The following RELN variants were observed in gnomAD, a reference collection of about 807,000 sequenced individuals.
RELN encodes the protein reelin.
A neutral mutation model predicts 427.6 loss-of-function variants in RELN; 108 were observed. The observed-to-expected ratio is 0.25, with a 90% CI of 0.22 to 0.30. The LOEUF is 0.30. Ranked by LOEUF, RELN falls within the 10% of genes least tolerant of loss-of-function variation. The probability of loss-of-function intolerance (pLI) is 1.00; values close to 1 mark genes in which losing one functional copy is unlikely to be tolerated. For missense variants in RELN, 3,715 were observed against 4,302.8 expected (o/e 0.86, Z 3.82); for synonymous variants, 1,524 against 1,513.4 (o/e 1.01, Z -0.16).
At chr7:103,580,591 C>T (rs1371744416) in intron 28 of RELN, among the ~76,000 whole-genome samples, 1 of 151,936 alleles carries the variant, frequency 6.6e-6, no homozygotes, top group African/African-American at 2.4e-5. Context: ...TTTTTTATTT[C>T]AATAGTTTTT....
At chr7:103,967,888 A>T (rs1796690681) in intron 1 of RELN, among the ~76,000 whole-genome samples, 2 of 152,178 alleles carry the variant, frequency 1.3e-5, no homozygotes, top group South Asian at 4.1e-4. Flanking sequence ...TTCTCTTGTA[A>T]CTACACTCTA....
At chr7:103,587,401 A>G (rs923657364) in intron 28 of RELN, among the ~76,000 whole-genome samples, 4 of 152,170 alleles carry the variant, frequency 2.6e-5, no homozygotes, top group Non-Finnish European at 5.9e-5. Flanking sequence ...GGACTTAAAC[A>G]TGAGGCCCCA....
chr7:103,776,471 A>C (rs778503472), intron 4 of RELN, 86 bp downstream of exon 4: 88 of 1,325,928 alleles, frequency 6.6e-5, no homozygotes, highest in Middle Eastern at 1.8e-4. Context: ...AAGTAATCAT[A>C]ATGAAATGCT....
chr7:103,662,631 A>G (rs1371281136), intron 11 of RELN, among the ~76,000 whole-genome samples: 1 of 151,442 alleles, frequency 6.6e-6, no homozygotes, highest in African/African-American at 2.4e-5. Context: ...GTCACAAAAA[A>G]AAAAAAAAAA....
At chr7:103,670,717 T>C (rs1833372927) in intron 11 of RELN, among the ~76,000 whole-genome samples, 2 of 152,062 alleles carry the variant, frequency 1.3e-5, no homozygotes, top group Non-Finnish European at 2.9e-5. Flanking sequence ...TGAATTATAA[T>C]TCAGAGTGAA....
chr7:103,921,194 C>G (rs1480732849), intron 1 of RELN, among the ~76,000 whole-genome samples: 1 of 152,106 alleles, frequency 6.6e-6, no homozygotes, highest in Non-Finnish European at 1.5e-5. Flanking sequence ...GACATCCTGT[C>G]AATTCTAGCT....
At chr7:103,937,774 A>T (rs1054293338) in intron 1 of RELN, among the ~76,000 whole-genome samples, 9 of 152,346 alleles carry the variant, frequency 5.9e-5, no homozygotes, top group African/African-American at 2.2e-4. Context: ...CAAATATGTT[A>T]AAATGGTCTC....
intron 4 of RELN, among the ~76,000 whole-genome samples, chr7:103,772,620 G>T (rs1401759898): frequency 6.6e-6 from 1 of 152,200 alleles, no homozygotes; most frequent in Non-Finnish European, 1.5e-5. Flanking sequence ...GAGGGAGGGA[G>T]TGATACCCTA....
chr7:103,478,592 C>G, intron 63 of RELN, 198 bp from the exon 64 acceptor site: 1 of 580,340 alleles, frequency 1.7e-6, no homozygotes, highest in East Asian at 3.0e-5. Context: ...ATATACTTTT[C>G]TATGTAATGT....
chr7:103,788,099 C>T (rs1351721042), intron 3 of RELN, among the ~76,000 whole-genome samples: 1 of 152,188 alleles, frequency 6.6e-6, no homozygotes, highest in Non-Finnish European at 1.5e-5. Context: ...ACATGATTAT[C>T]ACAATAGATG....
intron 64 of RELN, chr7:103,473,156 T>C: frequency 1.6e-6 from 1 of 610,788 alleles, no homozygotes; most frequent in East Asian, 3.1e-5. Flanking sequence ...AACCAGAAAA[T>C]ATGTGAAATT....
intron 2 of RELN, among the ~76,000 whole-genome samples, chr7:103,837,655 CCTCACTGCCCCTCCCTCT>C (rs1457511097): frequency 6.6e-6 from 1 of 152,112 alleles, no homozygotes; most frequent in Non-Finnish European, 1.5e-5. Flanking sequence ...CAAAGACTTC[CCTCACTGCCCCTCCCTCT>C]CTCACTGCCC....
chr7:103,719,208 T>C (rs574373261), intron 8 of RELN, among the ~76,000 whole-genome samples: 1 of 152,282 alleles, frequency 6.6e-6, no homozygotes, highest in South Asian at 2.1e-4. Flanking sequence ...TTATCTGACA[T>C]TGCTCATAGC....
chr7:103,682,361 T>C, intron 10 of RELN, 100 bp from the exon 11 acceptor site: 1 of 1,229,510 alleles, frequency 8.1e-7, no homozygotes, highest in Non-Finnish European at 1.2e-6. Flanking sequence ...AGTTATTATA[T>C]TAGCTCCTCT....
intron 4 of RELN, among the ~76,000 whole-genome samples, chr7:103,763,127 C>A (rs971733583): frequency 2.6e-5 from 4 of 152,214 alleles, no homozygotes; most frequent in African/African-American, 7.2e-5. Flanking sequence ...AAGCAAACAT[C>A]ATCTCAAATA....
intron 2 of RELN, among the ~76,000 whole-genome samples, chr7:103,835,047 C>T (rs1793365687): frequency 6.6e-6 from 1 of 152,164 alleles, no homozygotes; most frequent in South Asian, 2.1e-4. Context: ...TGGAAGCAAC[C>T]AAGATGTCCT....
intron 6 of RELN, among the ~76,000 whole-genome samples, chr7:103,733,784 C>T: frequency 7.0e-6 from 1 of 143,616 alleles, no homozygotes; most frequent in African/African-American, 2.6e-5. Context: ...ACTCTGGGGA[C>T]TGTTGTGGGG....
At chr7:103,759,892 A>T (rs1717703984) in intron 4 of RELN, among the ~76,000 whole-genome samples, 1 of 151,992 alleles carries the variant, frequency 6.6e-6, no homozygotes, top group Admixed American at 6.5e-5. Flanking sequence ...TTGCAGGCAG[A>T]AATGAAAGTT....
chr7:103,503,893 TAAAAAAAAAA>T (rs71154347), intron 51 of RELN, among the ~76,000 whole-genome samples: 1 of 96,610 alleles, frequency 1.0e-5, no homozygotes, highest in Non-Finnish European at 2.2e-5. Flanking sequence ...AATGTTCTTG[TAAAAAAAAAA>T]AAAAAAAAAA....
Sources: gnomAD v4.1 joint callset for allele counts (sites outside exome capture counted in the v4.1 genomes callset) on GRCh38, gnomAD v4.1.1 for gene constraint, MANE v1.5 for transcripts, NCBI Gene and HGNC (gene_info 2026-07-23, HGNC 2026-07-21) for gene names.